Variants in DMD observed in about 807,000 individuals in gnomAD.
The protein encoded by DMD is mutant dystrophin.
DMD carries 63 observed loss-of-function variants against 330.1 expected under a neutral mutation model. The ratio of observed to expected loss-of-function variants is 0.19; its 90% CI spans 0.16 to 0.24. The LOEUF (loss-of-function observed/expected upper bound fraction) is 0.24, where lower values mean the gene tolerates loss of function less well. Among genes scored for constraint, DMD ranks in the 10% least tolerant of loss-of-function variants. The pLI, the probability that DMD is intolerant of heterozygous loss-of-function variation, is 1.00. For missense variants in DMD, 3,344 were observed against 2,684.1 expected, an observed-to-expected ratio of 1.25 and a Z score of -5.43; for synonymous variants, 1,223 against 959.8, an observed-to-expected ratio of 1.27 and a Z score of -5.07.
At chrX:31,597,685 T>C (rs928028041) in intron 55 of DMD, among the ~76,000 whole-genome samples, 18 of 112,138 alleles carry the variant, frequency 1.6e-4, no homozygotes, top group African/African-American at 2.6e-4. Context: ...GGAAGAAGAA[T>C]TCAAGATGGG....
intron 43 of DMD, among the ~76,000 whole-genome samples, chrX:32,257,780 C>A (rs1603629417): frequency 9.0e-6 from 1 of 111,399 alleles, no homozygotes; most frequent in Admixed American, 9.6e-5. Flanking sequence ...GACTAAAACA[C>A]CAAAAGCAAC....
intron 44 of DMD, among the ~76,000 whole-genome samples, chrX:32,106,045 T>G (rs2096562568): frequency 8.9e-6 from 1 of 111,875 alleles, no homozygotes; most frequent in Non-Finnish European, 1.9e-5. Context: ...CGTCAAACAC[T>G]TTAAAGTAAA....
intron 55 of DMD, among the ~76,000 whole-genome samples, chrX:31,560,226 C>T (rs1165475564): frequency 9.0e-6 from 1 of 111,729 alleles, no homozygotes; most frequent in Non-Finnish European, 1.9e-5. Flanking sequence ...TCTGATTCAA[C>T]AGTTTTGAAG....
In DMD at chrX:32,107,366, GTGTGTGTC is replaced by G. The variant is rs764123279; in HGVS notation, c.6438+109542_6438+109549del. ...TGTGTGTGTGTGTGTGTGTGTGTGTGTGTGTGTCTCTGTGTGTGTTTGTATGTGGTAAG... is the reference window on the plus strand; with the variant it reads ...TGTGTGTGTGTGTGTGTGTGTGTGTGTCTGTGTGTGTTTGTATGTGGTAAG... On this transcript the variant is annotated intron_variant, in intron 44 of 78. Coordinates refer to ENST00000357033, the MANE Select transcript of DMD (RefSeq NM_004006.3). Among the ~76,000 whole-genome samples the G allele has an allele frequency of 5.6e-3, 516 of 91,799 alleles. 2 individuals are homozygous for G. The highest frequency in any genetic ancestry group is 0.018 in the African/African-American group (334 of 18,985). 79.7% of individuals were successfully genotyped at this position (91,799 alleles called of 115,157 possible). A position where few individuals can be genotyped will look rare whatever the true frequency, so the allele number is the denominator to read the frequency against.
rs111477898 is a variant in DMD, at chrX:32,880,811, A to G, written c.94-30991T>C. Among the ~76,000 whole-genome samples the G allele has an allele frequency of 5.3e-3, 593 of 111,945 alleles. 8 individuals carry two copies. The East Asian group carries it at 0.067, about 13-fold the overall frequency. ...AATACAAAATTAGCCAGGTGTGGTG[A>G]CGCATGCCTGTAATCCCAGCTACTC... On this transcript the variant is annotated intron_variant, in intron 2 of 78. Transcript: ENST00000357033.
chrX:31,657,324 A>G (rs980138681), intron 54 of DMD, among the ~76,000 whole-genome samples: 1 of 112,106 alleles, frequency 8.9e-6, no homozygotes, highest in African/African-American at 3.2e-5. Flanking sequence ...CTCTGCCCTC[A>G]TGGCATTTAG....
intron 25 of DMD, among the ~76,000 whole-genome samples, chrX:32,455,347 T>C (rs1025689328): frequency 1.8e-5 from 2 of 111,440 alleles, no homozygotes; most frequent in Non-Finnish European, 3.8e-5. Context: ...GCAATACATG[T>C]ATATAAAAGA....
At chrX:32,277,610 A>G (rs1270999239) in intron 43 of DMD, among the ~76,000 whole-genome samples, 1 of 111,690 alleles carries the variant, frequency 9.0e-6, no homozygotes, top group African/African-American at 3.3e-5. Flanking sequence ...ATGAAATAAT[A>G]TCAAGCATCT....
intron 7 of DMD, among the ~76,000 whole-genome samples, chrX:32,763,697 T>C (rs1378855606): frequency 8.9e-6 from 1 of 112,053 alleles, no homozygotes; most frequent in Non-Finnish European, 1.9e-5. Flanking sequence ...ATATTTCAAG[T>C]GTCTACCTTG....
intron 44 of DMD, among the ~76,000 whole-genome samples, chrX:32,088,021 T>C (rs2096451688): frequency 2.7e-5 from 3 of 112,575 alleles, no homozygotes; most frequent in Non-Finnish European, 5.6e-5. Context: ...CTGTATGTTA[T>C]GGACTTGACC....
intron 49 of DMD, among the ~76,000 whole-genome samples, chrX:31,834,249 A>G (rs1259326329): frequency 9.0e-6 from 1 of 111,431 alleles, no homozygotes; most frequent in Non-Finnish European, 1.9e-5. Context: ...TCTGCCTTGT[A>G]TTGCTGGGTG....
intron 43 of DMD, among the ~76,000 whole-genome samples, chrX:32,237,194 A>G (rs1296286712): frequency 9.0e-6 from 1 of 111,495 alleles, no homozygotes; most frequent in Non-Finnish European, 1.9e-5. Flanking sequence ...TGTTTAGGCA[A>G]TCCATCAATT....
At chrX:32,011,344 T>C (rs2095706860) in intron 44 of DMD, among the ~76,000 whole-genome samples, 1 of 111,431 alleles carries the variant, frequency 9.0e-6, no homozygotes, top group African/African-American at 3.3e-5. Context: ...AGAGAAAAAC[T>C]ATATTATTCC....
At chrX:31,400,374 G>A (rs1036229209) in intron 60 of DMD, among the ~76,000 whole-genome samples, 2 of 111,215 alleles carry the variant, frequency 1.8e-5, no homozygotes, top group Non-Finnish European at 3.8e-5. Context: ...TGGAACAAAT[G>A]TACATCTTAC....
At chrX:31,208,091 A>T (rs1300630729) in intron 65 of DMD, among the ~76,000 whole-genome samples, 1 of 112,002 alleles carries the variant, frequency 8.9e-6, no homozygotes, top group Non-Finnish European at 1.9e-5. Flanking sequence ...TAAAAAGAAA[A>T]AGGAGAAAAT....
chrX:31,252,196 T>C lies in DMD; in HGVS notation c.9286+8759A>G, dbSNP rs774903436. ...AAAAGAGCAGATTATTTTTCTTTTT[T>C]CTTTTATAAGCTGAATAGTAAAGGA... is the stretch of plus-strand genomic sequence containing the variant. On this transcript the variant is annotated intron_variant, in intron 63 of 78. Transcript: ENST00000357033. Among the ~76,000 whole-genome samples the C allele has an allele frequency of 6.2e-5, 7 of 112,578 alleles. No individual in the cohort carries two copies. In the South Asian group the frequency reaches 2.6e-3, roughly 41 times the overall value.
At chrX:31,885,457 A>G (rs1309561630) in intron 47 of DMD, among the ~76,000 whole-genome samples, 2 of 109,331 alleles carry the variant, frequency 1.8e-5, no homozygotes, top group Admixed American at 9.8e-5. Context: ...AAAAATACAA[A>G]AAATTAGCCG....
intron 41 of DMD, among the ~76,000 whole-genome samples, chrX:32,320,134 G>T (rs1398614560): frequency 1.8e-5 from 2 of 110,932 alleles, no homozygotes; most frequent in Non-Finnish European, 3.8e-5. Context: ...AACTTCTGTT[G>T]CCTTGTGGAT....
intron 44 of DMD, among the ~76,000 whole-genome samples, chrX:32,012,717 C>A (rs1229594233): frequency 9.0e-6 from 1 of 110,749 alleles, no homozygotes; most frequent in East Asian, 2.8e-4. Context: ...GGACACAGGG[C>A]AGTTCATTTA....
Sources: gnomAD v4.1 joint callset for allele counts (sites outside exome capture counted in the v4.1 genomes callset) on GRCh38, gnomAD v4.1.1 for gene constraint, MANE v1.5 for transcripts, NCBI Gene and HGNC (gene_info 2026-07-23, HGNC 2026-07-21) for gene names.